Variants in POU3F3 observed in about 807,000 individuals in gnomAD.
POU3F3 encodes the protein POU class 3 homeobox 3, also known as POU domain, class 3, transcription factor 3.
POU3F3 carries 1 observed loss-of-function variant against 8.6 expected under a neutral mutation model. The observed-to-expected ratio is 0.12, with a 90% CI of 0.04 to 0.55. The LOEUF (loss-of-function observed/expected upper bound fraction) is 0.55. POU3F3 is among the 20% of genes least tolerant of loss of function. The pLI, the probability that POU3F3 is intolerant of heterozygous loss-of-function variation, is 0.91. For missense variants in POU3F3, 577 were observed against 690.7 expected (o/e 0.84, Z 1.84); for synonymous variants, 418 against 327.4 (o/e 1.28, Z -2.99).
chr2:104,864,588 A>AAATAC, the POU3F3 span, among the ~76,000 whole-genome samples: 1 of 152,222 alleles, frequency 6.6e-6, no homozygotes, highest in Non-Finnish European at 1.5e-5. Context: ...ATTTATTTAC[A>AAATAC]AATACAAATG....
the POU3F3 span, among the ~76,000 whole-genome samples, chr2:104,877,095 G>T: frequency 6.6e-6 from 1 of 151,932 alleles, no homozygotes; most frequent in Non-Finnish European, 1.5e-5. Flanking sequence ...CCTTGTTAAA[G>T]CTACTTCCAC....
At chr2:104,861,027 A>T (rs1303988253), downstream of POU3F3, among the ~76,000 whole-genome samples, 1 of 151,938 alleles carries the variant, frequency 6.6e-6, no homozygotes, top group East Asian at 1.9e-4. Context: ...TTTGTTTTTT[A>T]AATTATATAT....
the POU3F3 span, among the ~76,000 whole-genome samples, chr2:104,921,992 A>G: frequency 2.6e-5 from 4 of 152,194 alleles, no homozygotes; most frequent in African/African-American, 2.4e-5. Flanking sequence ...ATGAGACTCC[A>G]TCTCAAAGAA....
chr2:104,893,314 C>T, the POU3F3 span, among the ~76,000 whole-genome samples: 2 of 152,144 alleles, frequency 1.3e-5, no homozygotes, highest in African/African-American at 4.8e-5. Context: ...CTCTTGTGCT[C>T]ACCCTGGGTC....
chr2:104,876,836 C>T, the POU3F3 span, among the ~76,000 whole-genome samples: 1 of 152,180 alleles, frequency 6.6e-6, no homozygotes, highest in African/African-American at 2.4e-5. Context: ...CCTTCTGCCA[C>T]CAGGCCAGCT....
chr2:104,917,270 GC>G, the POU3F3 span, among the ~76,000 whole-genome samples: 1 of 152,164 alleles, frequency 6.6e-6, no homozygotes, highest in East Asian at 1.9e-4. Context: ...GATACGTATG[GC>G]TCTATTTATC....
chr2:104,907,659 G>C, the POU3F3 span, among the ~76,000 whole-genome samples: 2 of 152,168 alleles, frequency 1.3e-5, no homozygotes, highest in Non-Finnish European at 2.9e-5. Flanking sequence ...TTTTGGCTAA[G>C]GCTTGGTTTA....
chr2:104,889,417 T>C, the POU3F3 span, among the ~76,000 whole-genome samples: 2 of 152,186 alleles, frequency 1.3e-5, no homozygotes, highest in Non-Finnish European at 2.9e-5. Flanking sequence ...CAGCTGCAAA[T>C]GGGGAAGTTC....
In POU3F3 at chr2:104,857,125, CCG is replaced by C; in HGVS notation, c.*116_*117del. On this transcript the variant is annotated 3_prime_UTR_variant, in exon 1 of 1. Coordinates refer to ENST00000361360, the MANE Select transcript of POU3F3 (RefSeq NM_006236.3). ...GCCGCCGCCGCCGCCGCTGCCGCCG[CCG>C]CGCCGACCCTGCACCTGGGCCGCTC... The C allele has an allele frequency of 1.0e-6, 1 of 964,980 alleles. No individual in the cohort carries two copies. Among genetic ancestry groups the C allele is most frequent in the Non-Finnish European group, 1.2e-6 (1 of 812,744 alleles). 59.8% of individuals were successfully genotyped at this position (964,980 alleles called of 1,614,324 possible).
In POU3F3 at chr2:104,855,471, G is replaced by C. The variant is rs1464512320; in HGVS notation, c.-40G>C. On this transcript the variant is annotated 5_prime_UTR_variant, in exon 1 of 1. Transcript: ENST00000361360. The stretch of plus-strand genomic sequence containing the variant: ...CCGCGGCTGCTGCTGCGGCGGCGGC[G>C]GCGGTGGTGGCGGCGGTGGGGTGGC... 3.2e-6 allele frequency: 3 copies of C among 945,922 alleles called. No homozygotes were observed. Among genetic ancestry groups the C allele is most frequent in the Non-Finnish European group, 3.8e-6 (3 of 797,564 alleles). The allele number at this position is 945,922 out of a possible 1,614,324, so 58.6% of individuals were successfully genotyped here.
the POU3F3 span, among the ~76,000 whole-genome samples, chr2:104,892,687 G>GTA: frequency 1.1e-4 from 16 of 151,060 alleles, no homozygotes; most frequent in African/African-American, 3.6e-4. Flanking sequence ...GTGTGTGTGT[G>GTA]TATATATATA....
the POU3F3 span, among the ~76,000 whole-genome samples, chr2:104,907,336 C>T: frequency 6.6e-6 from 1 of 152,222 alleles, no homozygotes; most frequent in Non-Finnish European, 1.5e-5. Flanking sequence ...CTAATTCCAA[C>T]ATCCCATCCC....
At chr2:104,896,986 G>A in the POU3F3 span, among the ~76,000 whole-genome samples, 2,793 of 152,290 alleles carry the variant, frequency 0.018, 102 homozygotes, top group African/African-American at 0.063. Flanking sequence ...TCCTACACTG[G>A]CATTGCACCT....
the POU3F3 span, among the ~76,000 whole-genome samples, chr2:104,900,437 C>A: frequency 6.6e-6 from 1 of 152,196 alleles, no homozygotes; most frequent in Non-Finnish European, 1.5e-5. Context: ...GATGTTTAGA[C>A]AGTTTCCCCC....
the POU3F3 span, among the ~76,000 whole-genome samples, chr2:104,902,599 G>A: frequency 4.6e-5 from 7 of 152,244 alleles, no homozygotes; most frequent in East Asian, 1.9e-4. Context: ...CTGCTGTACC[G>A]ATAGGAGAGT....
the POU3F3 span, among the ~76,000 whole-genome samples, chr2:104,917,293 G>A: frequency 2.8e-3 from 422 of 152,266 alleles, 10 homozygotes; most frequent in Non-Finnish European, 5.9e-4. Flanking sequence ...TATGGGTTTC[G>A]TTTCTTTGGA....
chr2:104,873,324 G>A, the POU3F3 span, among the ~76,000 whole-genome samples: 2 of 152,168 alleles, frequency 1.3e-5, no homozygotes, highest in African/African-American at 4.8e-5. Context: ...CGGCCGGGTC[G>A]CCCGGCTTCT....
chr2:104,916,797 C>T, the POU3F3 span, among the ~76,000 whole-genome samples: 46 of 152,306 alleles, frequency 3.0e-4, no homozygotes, highest in Non-Finnish European at 6.5e-4. Flanking sequence ...GCAAATCCCA[C>T]ACTGCTGCGA....
the POU3F3 span, among the ~76,000 whole-genome samples, chr2:104,910,303 T>A: frequency 2.0e-5 from 3 of 152,174 alleles, no homozygotes; most frequent in Non-Finnish European, 4.4e-5. Context: ...CAGTGATCGT[T>A]ACAGCTCTCT....
Sources: gnomAD v4.1 joint callset for allele counts (sites outside exome capture counted in the v4.1 genomes callset) on GRCh38, gnomAD v4.1.1 for gene constraint, MANE v1.5 for transcripts, NCBI Gene and HGNC (gene_info 2026-07-23, HGNC 2026-07-21) for gene names.